Variants in RBKS observed in about 807,000 individuals in gnomAD.
RBKS encodes the protein ribokinase.
In RBKS, 33 loss-of-function variants were observed where a neutral mutation model predicts 33.9. The observed-to-expected ratio is 0.97, with a 90% CI of 0.74 to 1.30. The LOEUF (loss-of-function observed/expected upper bound fraction) is 1.30. RBKS is among the 50% of genes most tolerant of loss of function. RBKS has a pLI of 0.00. For missense variants in RBKS, 361 were observed against 392.6 expected (o/e 0.92, Z 0.68); for synonymous variants, 125 against 143.0 (o/e 0.87, Z 0.90).
In RBKS at chr2:27,816,623, T is replaced by C. The variant is rs537842639; in HGVS notation, c.795+10944A>G. 3.0e-4 allele frequency among the ~76,000 whole-genome samples: 46 copies of C among 152,262 alleles called. 2 individuals are homozygous for C. In the East Asian group the frequency reaches 8.7e-3, roughly 29 times the overall value. ...GATATGTGTTTTTTTGTTTTTTTGT[T>C]TTTTTGTTTTTGAGGAGTCTCCCTC... On this transcript the variant is annotated intron_variant, in intron 7 of 7. Coordinates refer to ENST00000302188, the MANE Select transcript of RBKS (RefSeq NM_022128.3).
chr2:27,866,183 A>G (rs1664094791), intron 1 of RBKS, among the ~76,000 whole-genome samples: 2 of 152,220 alleles, frequency 1.3e-5, no homozygotes, highest in Admixed American at 6.5e-5. Flanking sequence ...TATATTGGAA[A>G]GATATAGAAT....
chr2:27,873,591 CACTTCAAAATG>C (rs1422381372), intron 1 of RBKS, among the ~76,000 whole-genome samples: 25 of 152,108 alleles, frequency 1.6e-4, no homozygotes, highest in Admixed American at 1.6e-3. Flanking sequence ...TTGTATTTCT[CACTTCAAAATG>C]AAGACCTCTA....
intron 7 of RBKS, among the ~76,000 whole-genome samples, chr2:27,803,690 ACT>A (rs1433514414): frequency 7.6e-6 from 1 of 132,274 alleles, no homozygotes; most frequent in African/African-American, 3.2e-5. Flanking sequence ...ACAGAGCAAG[ACT>A]CTGTCTCAAA....
rs115567826 is a variant in RBKS at position 27,806,302 on chromosome 2, A to T, written c.795+21265T>A. Among the ~76,000 whole-genome samples the T allele has an allele frequency of 6.0e-3, 916 of 152,354 alleles. 7 individuals carry two copies. The highest frequency in any genetic ancestry group is 7.4e-3 in the Non-Finnish European group (501 of 68,028). ...AAATGGCAGAATCTGAGACACATCCATAAGGCCATTATATAGACAAAAAGG... is the reference window on the plus strand; with the variant it reads ...AAATGGCAGAATCTGAGACACATCCTTAAGGCCATTATATAGACAAAAAGG... On this transcript the variant is annotated intron_variant, in intron 7 of 7. Coordinates refer to ENST00000302188, the MANE Select transcript of RBKS (RefSeq NM_022128.3).
intron 4 of RBKS, among the ~76,000 whole-genome samples, chr2:27,846,743 T>C (rs1337094697): frequency 2.6e-5 from 4 of 152,236 alleles, no homozygotes; most frequent in Non-Finnish European, 5.9e-5. Flanking sequence ...ATGTCAATTA[T>C]AAGTTCACAT....
chr2:27,829,838 G>A (rs889175326), intron 6 of RBKS, among the ~76,000 whole-genome samples: 11 of 152,328 alleles, frequency 7.2e-5, no homozygotes, highest in African/African-American at 2.6e-4. Flanking sequence ...CTGTGTCTCT[G>A]TCCTGCTAAC....
chr2:27,848,290 T>C (rs895535078), intron 2 of RBKS, among the ~76,000 whole-genome samples, 193 bp from the exon 3 acceptor site: 3 of 152,240 alleles, frequency 2.0e-5, no homozygotes, highest in Non-Finnish European at 4.4e-5. Context: ...GTTTCACTTA[T>C]ATCCTACTTA....
chr2:27,890,094 A>G lies in RBKS; in HGVS notation c.89+163T>C, dbSNP rs573318233. The G allele has an allele frequency of 3.6e-4, 219 of 605,530 alleles. 4 individuals carry two copies. The South Asian group carries it at 4.3e-3, about 12-fold the overall frequency. The allele number at this position is 605,530 out of a possible 1,614,324, so 37.5% of individuals were successfully genotyped here. Reference sequence around the variant, plus strand: ...TACCTTTATATACTCAAGTTCTTTCATGCCAGGAAGGTAGGCTGAAGGCTT... The same window carrying G: ...TACCTTTATATACTCAAGTTCTTTCGTGCCAGGAAGGTAGGCTGAAGGCTT... On this transcript the variant is annotated intron_variant, in intron 1 of 7. Transcript: ENST00000302188. The surrounding 1 kb of genome is among the most constrained non-coding windows in gnomAD (Gnocchi z 4.8).
At chr2:27,834,023 A>G (rs1678471048) in intron 5 of RBKS, among the ~76,000 whole-genome samples, 1 of 152,226 alleles carries the variant, frequency 6.6e-6, no homozygotes, top group African/African-American at 2.4e-5. Flanking sequence ...CATAATTTCT[A>G]GGACTGACCT....
chr2:27,855,359 T>C (rs1663836354), intron 2 of RBKS, among the ~76,000 whole-genome samples: 1 of 152,254 alleles, frequency 6.6e-6, no homozygotes, highest in Admixed American at 6.5e-5. Context: ...ATTCCTGACC[T>C]GGGTCATTTG....
At chr2:27,827,823 T>C in intron 6 of RBKS, 68 bp from the exon 7 acceptor site, 1 of 1,325,176 alleles carries the variant, frequency 7.5e-7, no homozygotes, top group African/African-American at 1.5e-5. Context: ...TCCAGATGCG[T>C]TTTTCTAGAA....
At chr2:27,811,813 A>ATAT (rs1677990789) in intron 7 of RBKS, among the ~76,000 whole-genome samples, 9 of 151,910 alleles carry the variant, frequency 5.9e-5, no homozygotes, top group Non-Finnish European at 8.8e-5. Flanking sequence ...CCGGGTAATC[A>ATAT]TGGGGCTTGG....
At chr2:27,791,590 T>G (rs1447840941) in intron 7 of RBKS, among the ~76,000 whole-genome samples, 2 of 150,956 alleles carry the variant, frequency 1.3e-5, no homozygotes, top group Non-Finnish European at 2.9e-5. Context: ...CATAACTGCA[T>G]GTGTCAATTC....
chr2:27,838,008 T>C (rs560273730), intron 5 of RBKS, among the ~76,000 whole-genome samples: 2 of 152,274 alleles, frequency 1.3e-5, no homozygotes, highest in Admixed American at 6.5e-5. Flanking sequence ...AAGACAAGCC[T>C]GGCCAACATG....
At chr2:27,888,563 A>G (rs2148237315) in intron 1 of RBKS, among the ~76,000 whole-genome samples, 1 of 152,320 alleles carries the variant, frequency 6.6e-6, no homozygotes, top group South Asian at 2.1e-4. Context: ...TGAATTTTTG[A>G]TGAAACTTTT....
intron 7 of RBKS, among the ~76,000 whole-genome samples, chr2:27,816,723 G>A (rs937031231): frequency 2.6e-5 from 4 of 151,846 alleles, no homozygotes; most frequent in South Asian, 2.1e-4. Flanking sequence ...TCAGCCTCCC[G>A]AGTAGCTGGG....
chr2:27,816,019 G>T (rs1678085272), intron 7 of RBKS, among the ~76,000 whole-genome samples: 1 of 152,160 alleles, frequency 6.6e-6, no homozygotes, highest in Admixed American at 6.5e-5. Context: ...CCCTCAGGGA[G>T]CCCCTAAGCT....
chr2:27,846,000 C>T (rs1663613172), intron 4 of RBKS, among the ~76,000 whole-genome samples: 1 of 151,540 alleles, frequency 6.6e-6, no homozygotes, highest in Admixed American at 6.6e-5. Flanking sequence ...CTTGCTCCGT[C>T]GTCGCCCAGG....
intron 7 of RBKS, among the ~76,000 whole-genome samples, chr2:27,820,929 A>G (rs573053985): frequency 6.6e-5 from 10 of 151,478 alleles, no homozygotes; most frequent in Admixed American, 6.6e-4. Context: ...AATCCCAGCT[A>G]CTTGGGAGGC....
Sources: allele counts gnomAD v4.1 joint callset (sites outside exome capture counted in the v4.1 genomes callset), GRCh38; gene constraint gnomAD v4.1.1; non-coding constraint Gnocchi (gnomAD v3.1); transcripts MANE v1.5; gene names NCBI Gene and HGNC (gene_info 2026-07-23, HGNC 2026-07-21).